Variants in COA8 observed in about 807,000 individuals in gnomAD.
COA8 encodes the protein UPF0671 protein C14orf153.
COA8 carries 20 observed loss-of-function variants against 22.0 expected under a neutral mutation model. The ratio of observed to expected loss-of-function variants is 0.91; its 90% confidence interval spans 0.64 to 1.32. COA8 has a LOEUF of 1.32. Ranked by LOEUF, COA8 falls within the 40% of genes most tolerant of loss-of-function variation. The pLI is 0.00. For missense variants in COA8, 266 were observed against 230.0 expected (o/e 1.16, Z -1.01); for synonymous variants, 105 against 79.9 (o/e 1.31, Z -1.68).
intron 2 of COA8, among the ~76,000 whole-genome samples, chr14:103,572,197 G>A (rs1326320592): frequency 6.6e-6 from 1 of 152,086 alleles, no homozygotes; most frequent in African/African-American, 2.4e-5. Flanking sequence ...GAGGGTGCTA[G>A]GTGTTTAGTA....
chr14:103,565,254 C>T (rs2076127703), intron 1 of COA8, among the ~76,000 whole-genome samples: 1 of 152,148 alleles, frequency 6.6e-6, no homozygotes, highest in African/African-American at 2.4e-5. Context: ...GCCACCATGC[C>T]CAGCCAGCAC....
chr14:103,568,332 G>A (rs908703136), intron 1 of COA8, among the ~76,000 whole-genome samples: 2 of 152,138 alleles, frequency 1.3e-5, no homozygotes. Context: ...AAAAGCAGAG[G>A]GGGCTGGAGA....
intron 3 of COA8, among the ~76,000 whole-genome samples, chr14:103,575,993 G>A (rs1427068453): frequency 6.6e-6 from 1 of 151,868 alleles, no homozygotes; most frequent in Non-Finnish European, 1.5e-5. Flanking sequence ...GTGAGCCACT[G>A]TGCCTGGCCA....
chr14:103,588,067 G>A, intron 4 of COA8: 1 of 224,466 alleles, frequency 4.5e-6, no homozygotes, highest in East Asian at 6.5e-5. Flanking sequence ...GGTGAGCTGA[G>A]ATCGTGCCAT....
intron 3 of COA8, 35 bp downstream of exon 3, chr14:103,574,205 C>A: frequency 6.5e-7 from 1 of 1,541,638 alleles, no homozygotes; most frequent in South Asian, 1.1e-5. Context: ...TTTTTGCTTT[C>A]TTTGCGTTTG....
At chr14:103,572,273 T>C (rs1395538427) in intron 2 of COA8, among the ~76,000 whole-genome samples, 1 of 152,212 alleles carries the variant, frequency 6.6e-6, no homozygotes, top group Non-Finnish European at 1.5e-5. Context: ...TGTATGTACA[T>C]ATATGCATAT....
intron 1 of COA8, among the ~76,000 whole-genome samples, chr14:103,563,538 G>C (rs1430160030): frequency 6.6e-6 from 1 of 151,960 alleles, no homozygotes; most frequent in Non-Finnish European, 1.5e-5. Flanking sequence ...CTTTATCATC[G>C]TACTTTTGTA....
intron 2 of COA8, 30 bp from the exon 3 acceptor site, chr14:103,574,077 C>CAT: frequency 8.6e-7 from 1 of 1,166,144 alleles, no homozygotes; most frequent in Non-Finnish European, 1.2e-6. Context: ...GTTCTGAGAG[C>CAT]CTTTTTTTTT....
chr14:103,575,930 T>C (rs910206388), intron 3 of COA8, among the ~76,000 whole-genome samples: 3 of 152,042 alleles, frequency 2.0e-5, no homozygotes, highest in African/African-American at 4.8e-5. Context: ...CTCAAACTCC[T>C]GAGCTCAAGC....
At chr14:103,579,962 CAAAAAAAAAA>C (rs373279860) in intron 3 of COA8, among the ~76,000 whole-genome samples, 1 of 117,616 alleles carries the variant, frequency 8.5e-6, no homozygotes, top group Non-Finnish European at 1.7e-5. Flanking sequence ...GACTCTGTCT[CAAAAAAAAAA>C]AAAAAAAAAG....
intron 1 of COA8, among the ~76,000 whole-genome samples, chr14:103,571,318 G>A (rs1271478165): frequency 1.3e-5 from 2 of 151,822 alleles, no homozygotes; most frequent in East Asian, 1.9e-4. Context: ...GCAGTGAGCC[G>A]AGATCTCGCC....
chr14:103,564,272 A>G (rs2076117615), intron 1 of COA8, among the ~76,000 whole-genome samples: 1 of 152,310 alleles, frequency 6.6e-6, no homozygotes, highest in Middle Eastern at 3.4e-3. Context: ...CTAGTTTACA[A>G]TTTAAACAAG....
At position 103,590,334 on chromosome 14, in the gene COA8, T is replaced by C; in HGVS notation, c.*48T>C. ...AGTCCAGGTTTCCACAGGAAGCAGATGGAGCTCCTTTCACAGGGGCTCTGA... is the reference window on the plus strand; with the variant it reads ...AGTCCAGGTTTCCACAGGAAGCAGACGGAGCTCCTTTCACAGGGGCTCTGA... On this transcript the variant is annotated 3_prime_UTR_variant, in exon 5 of 5. Transcript: ENST00000409074. The C allele has an allele frequency of 6.6e-7, 1 of 1,509,946 alleles. No homozygotes were observed. Among genetic ancestry groups the C allele is most frequent in the African/African-American group, 1.4e-5 (1 of 71,866 alleles). The allele number at this position is 1,509,946 out of a possible 1,614,324, so 93.5% of individuals were successfully genotyped here.
chr14:103,565,014 C>T (rs35496194), intron 1 of COA8, among the ~76,000 whole-genome samples: 37,175 of 152,026 alleles, frequency 0.24, 5,074 homozygotes, highest in East Asian at 0.35. Context: ...AGTGCAATGG[C>T]GCAGTCTCGG....
At chr14:103,569,483 G>A (rs888773386) in intron 1 of COA8, among the ~76,000 whole-genome samples, 1 of 152,208 alleles carries the variant, frequency 6.6e-6, no homozygotes, top group Non-Finnish European at 1.5e-5. Context: ...TTTGTGATAT[G>A]TGGGCAGCTA....
intron 3 of COA8, among the ~76,000 whole-genome samples, chr14:103,584,381 G>A (rs1403065864): frequency 2.0e-5 from 3 of 152,084 alleles, no homozygotes; most frequent in African/African-American, 7.2e-5. Flanking sequence ...ATCAAGGCTT[G>A]GTCTTTCCGG....
At chr14:103,584,408 G>A (rs1265889065) in intron 3 of COA8, among the ~76,000 whole-genome samples, 1 of 152,142 alleles carries the variant, frequency 6.6e-6, no homozygotes, top group Non-Finnish European at 1.5e-5. Context: ...TCCCGAAGCA[G>A]TACAGGAGCC....
chr14:103,577,739 T>G (rs937144375), intron 3 of COA8, among the ~76,000 whole-genome samples: 2 of 151,446 alleles, frequency 1.3e-5, no homozygotes, highest in Non-Finnish European at 2.9e-5. Context: ...ATAAAAATAA[T>G]TAAGGCCGGG....
intron 2 of COA8, among the ~76,000 whole-genome samples, chr14:103,573,177 T>C (rs2076201850): frequency 6.6e-6 from 1 of 152,010 alleles, no homozygotes; most frequent in Non-Finnish European, 1.5e-5. Context: ...AACTTTTTTT[T>C]TTTTCTTCTG....
Sources: allele counts gnomAD v4.1 joint callset (sites outside exome capture counted in the v4.1 genomes callset), GRCh38; gene constraint gnomAD v4.1.1; transcripts MANE v1.5; gene names NCBI Gene and HGNC (gene_info 2026-07-23, HGNC 2026-07-21).